The following OXR1 variants were observed in gnomAD, a reference collection of about 807,000 sequenced individuals.
OXR1 encodes oxidation resistance 1, also known as oxidation resistance protein 1.
OXR1 carries 41 observed loss-of-function variants against 104.6 expected under a neutral mutation model. The observed-to-expected ratio is 0.39, with a 90% CI of 0.31 to 0.51. The LOEUF (loss-of-function observed/expected upper bound fraction) is 0.51. OXR1 is among the 20% of genes least tolerant of loss of function. The probability of loss-of-function intolerance (pLI) is 0.77; values close to 1 mark genes in which losing one functional copy is unlikely to be tolerated. For missense variants in OXR1, 955 were observed against 1,031.9 expected (o/e 0.93, Z 1.02); for synonymous variants, 348 against 348.4 (o/e 1.00, Z 0.01).
intron 1 of OXR1, among the ~76,000 whole-genome samples, chr8:106,271,185 C>T (rs1005527715): frequency 6.6e-6 from 1 of 152,062 alleles, no homozygotes; most frequent in East Asian, 1.9e-4. Context: ...CCCCGTGCCG[C>T]CCCTTGAATA....
At chr8:106,509,597 C>G (rs937967019) in intron 2 of OXR1, among the ~76,000 whole-genome samples, 1 of 152,158 alleles carries the variant, frequency 6.6e-6, no homozygotes, top group South Asian at 2.1e-4. Flanking sequence ...CCTGTTTTGT[C>G]CCCCAGGGCA....
chr8:106,414,286 A>G (rs1255262701), intron 2 of OXR1, among the ~76,000 whole-genome samples: 1 of 152,158 alleles, frequency 6.6e-6, no homozygotes, highest in African/African-American at 2.4e-5. Context: ...CTAAGAGACC[A>G]TGATCAGCTC....
chr8:106,725,824 A>G lies in OXR1; in HGVS notation c.1957-11696A>G, dbSNP rs1028228404. ...AATTTTATGACTATATGAACAAATA[A>G]CAAAATGTTCATTCAAATCATTCAT... On this transcript the variant is annotated intron_variant, in intron 11 of 16. Transcript: ENST00000517566. Among the ~76,000 whole-genome samples, 8 of 152,250 alleles carry G rather than the reference A, an allele frequency of 5.3e-5. No homozygotes were observed. The East Asian group carries it at 1.3e-3, about 26-fold the overall frequency.
At chr8:106,331,751 C>G (rs1222980351) in intron 1 of OXR1, among the ~76,000 whole-genome samples, 2 of 151,856 alleles carry the variant, frequency 1.3e-5, no homozygotes, top group Non-Finnish European at 2.9e-5. Context: ...ACCAGCTTGG[C>G]CAACATGATG....
chr8:106,401,708 C>G (rs1315398784), intron 2 of OXR1, among the ~76,000 whole-genome samples: 1 of 152,112 alleles, frequency 6.6e-6, no homozygotes, highest in Admixed American at 6.6e-5. Flanking sequence ...TCACAGCATG[C>G]CCCCACACCA....
At chr8:106,395,971 C>T (rs1338874939) in intron 2 of OXR1, among the ~76,000 whole-genome samples, 1 of 152,014 alleles carries the variant, frequency 6.6e-6, no homozygotes, top group East Asian at 1.9e-4. Context: ...AAATGAGTTC[C>T]CAATGGCCAA....
intron 3 of OXR1, among the ~76,000 whole-genome samples, chr8:106,676,866 A>C (rs116283739): frequency 6.6e-6 from 1 of 152,004 alleles, no homozygotes; most frequent in Non-Finnish European, 1.5e-5. Flanking sequence ...TAATTATTGC[A>C]TAATATTTTA....
Position 106,706,421 on chromosome 8 carries a change from A to C in OXR1, c.900A>C (p.Ser300=). 1.3e-6 allele frequency: 2 copies of C among 1,587,706 alleles called. No homozygotes were observed. The highest frequency in any genetic ancestry group is 1.7e-6 in the Non-Finnish European group (2 of 1,172,642). Residue 300 remains serine, a synonymous_variant, in exon 9 of 17, where the codon TCA becomes TCC. Coordinates refer to ENST00000517566, the MANE Select transcript of OXR1 (RefSeq NM_001198533.2). Reference sequence around the variant, plus strand: ...TATCAGGAAGGGACTTCTGCCATTCAAAGAAAATGACAGGAAGTAACACTG... The same window carrying C: ...TATCAGGAAGGGACTTCTGCCATTCCAAGAAAATGACAGGAAGTAACACTG... ...DQLSGRDFCH[S]KKMTGSNTEE... is the part of the protein sequence containing the mutation.
At chr8:106,370,511 T>C (rs573852820) in intron 2 of OXR1, among the ~76,000 whole-genome samples, 26 of 152,328 alleles carry the variant, frequency 1.7e-4, no homozygotes, top group African/African-American at 5.8e-4. Flanking sequence ...CTTTTGCCCA[T>C]TGAAGACGAT....
At chr8:106,382,816 C>G (rs1485866465) in intron 2 of OXR1, among the ~76,000 whole-genome samples, 1 of 150,132 alleles carries the variant, frequency 6.7e-6, no homozygotes, top group Non-Finnish European at 1.5e-5. Context: ...GCTCTGGCAG[C>G]TGGGTAATCA....
In OXR1 at chr8:106,739,548, C is replaced by T. The variant is rs1195888334; in HGVS notation, c.2128C>T (p.Pro710Ser). 1.9e-6 allele frequency: 3 copies of T among 1,613,258 alleles called. No individual in the cohort carries two copies. In the Admixed American group the frequency reaches 5.0e-5, roughly 27 times the overall value. ...SESFRPNLSD[P>S]SELLLPDQIE... ...ATCTTTTCGACCAAACCTAAGTGAT[C>T]CCAGTGAACTTTTACTGCCAGATCA... The change falls in exon 13 of 17, where the codon CCC becomes TCC. Residue 710 changes from proline to serine, a missense_variant. Around this residue, in one of 2 missense-constraint regions of OXR1, gnomAD observed 849 missense variants for 852.9 expected, o/e 1.00. Coordinates refer to ENST00000517566, the MANE Select transcript of OXR1 (RefSeq NM_001198533.2).
intron 5 of OXR1, among the ~76,000 whole-genome samples, chr8:106,683,842 T>C (rs574414155): frequency 1.3e-4 from 20 of 152,234 alleles, no homozygotes; most frequent in Non-Finnish European, 2.5e-4. Context: ...TTCTACTCTT[T>C]TGCTAAGGTC....
At chr8:106,649,646 G>A (rs988805559) in intron 3 of OXR1, among the ~76,000 whole-genome samples, 9 of 151,532 alleles carry the variant, frequency 5.9e-5, no homozygotes, top group South Asian at 2.1e-4. Flanking sequence ...TGCCTGTCCT[G>A]TCTTCACAAG....
intron 1 of OXR1, among the ~76,000 whole-genome samples, chr8:106,271,197 T>C (rs1332846027): frequency 6.6e-6 from 1 of 151,986 alleles, no homozygotes; most frequent in East Asian, 1.9e-4. Context: ...CCTTGAATAG[T>C]GATTTAGTAC....
intron 2 of OXR1, among the ~76,000 whole-genome samples, chr8:106,478,513 A>T (rs191159448): frequency 5.1e-4 from 78 of 151,970 alleles, no homozygotes; most frequent in Admixed American, 9.9e-4. Flanking sequence ...AATAGTAAGT[A>T]AGGAAGTTCT....
At chr8:106,498,242 C>T (rs891879093) in intron 2 of OXR1, among the ~76,000 whole-genome samples, 1 of 152,120 alleles carries the variant, frequency 6.6e-6, no homozygotes, top group Non-Finnish European at 1.5e-5. Context: ...CACTTATTAA[C>T]ACCAAACATT....
chr8:106,285,129 C>T (rs1023878654), intron 1 of OXR1, among the ~76,000 whole-genome samples: 40 of 152,212 alleles, frequency 2.6e-4, no homozygotes, highest in African/African-American at 9.4e-4. Flanking sequence ...GCCCCCACCC[C>T]ACAACAGGCC....
intron 9 of OXR1, among the ~76,000 whole-genome samples, chr8:106,710,211 A>G (rs1245802343): frequency 6.6e-6 from 1 of 152,126 alleles, no homozygotes; most frequent in African/African-American, 2.4e-5. Context: ...TGAAACAACC[A>G]TGTTAAGTAT....
At chr8:106,367,954 G>T (rs1453451488) in intron 2 of OXR1, among the ~76,000 whole-genome samples, 2 of 152,134 alleles carry the variant, frequency 1.3e-5, no homozygotes, top group South Asian at 4.1e-4. Flanking sequence ...AGCCAATAAG[G>T]GGGAGAGTCC....
Sources: allele counts gnomAD v4.1 joint callset (sites outside exome capture counted in the v4.1 genomes callset), GRCh38; gene constraint gnomAD v4.1.1; regional missense constraint gnomAD v4.1.1; transcripts MANE v1.5; gene names NCBI Gene and HGNC (gene_info 2026-07-23, HGNC 2026-07-21).